Variants in FCSK observed in about 807,000 individuals in gnomAD.
The protein encoded by FCSK is fucose kinase, also known as L-fucose kinase.
Under a neutral mutation model 122.5 loss-of-function variants are expected in FCSK, and 123 were observed. That is an observed-to-expected ratio of 1.00 (90% CI 0.87 to 1.17). The LOEUF is 1.17. Among genes scored for constraint, FCSK ranks in the 50% most tolerant of loss-of-function variants. The probability of loss-of-function intolerance (pLI) is 0.00; values close to 1 mark genes in which losing one functional copy is unlikely to be tolerated. For missense variants in FCSK, 1,366 were observed against 1,450.4 expected (o/e 0.94, Z 0.95); for synonymous variants, 620 against 625.5 (o/e 0.99, Z 0.13).
Position 70,473,576 on chromosome 16 carries a change from G to T in FCSK, c.1777+223G>T, listed in dbSNP as rs1219554287. On this transcript the variant is annotated intron_variant, in intron 15 of 23. Coordinates refer to ENST00000288078, the MANE Select transcript of FCSK (RefSeq NM_145059.3). This position sits in a 1 kb window ranked among gnomAD's most constrained non-coding sequence, Gnocchi z 4.9. Reference sequence around the variant, plus strand: ...CCTTGTCAGTGGGGTTTGGTCAGAGGTTGAGGCCTGGCAGCTGAGCTCTAG... The same window carrying T: ...CCTTGTCAGTGGGGTTTGGTCAGAGTTTGAGGCCTGGCAGCTGAGCTCTAG... Among the ~76,000 whole-genome samples the T allele has an allele frequency of 6.6e-6, 1 of 152,182 alleles. No individual in the cohort carries two copies. Among genetic ancestry groups the T allele is most frequent in the South Asian group, 2.1e-4 (1 of 4,834 alleles).
At chr16:70,469,369 T>C (rs773092975) in intron 10 of FCSK, 46 bp downstream of exon 10, 8 of 1,521,456 alleles carry the variant, frequency 5.3e-6, no homozygotes, top group Non-Finnish European at 7.0e-6. Flanking sequence ...ACCATGGGAG[T>C]GAGGACCCCA....
chr16:70,461,315 A>G (rs777695609), intron 1 of FCSK, among the ~76,000 whole-genome samples: 5 of 151,630 alleles, frequency 3.3e-5, no homozygotes, highest in African/African-American at 4.8e-5. Flanking sequence ...GGAGGGAGGA[A>G]ATGGGGGTGC....
At chr16:70,466,586 A>G (rs553025253) in intron 5 of FCSK, 38 of 508,568 alleles carry the variant, frequency 7.5e-5, no homozygotes, top group Non-Finnish European at 1.8e-5. Flanking sequence ...AGTCCCAGCT[A>G]CTCAAGAGGC....
Position 70,468,884 on chromosome 16 carries a change from C to T in FCSK, c.699C>T (p.Ala233=), listed in dbSNP as rs753351332. ...SGVVFFSVET[A]ERLLATHVSP... is the part of the protein sequence containing the mutation. ...TTGTCTTCTTCTCTGTGGAGACTGCCGAGCGCCTCCTAGCCACCCACGTGA... is the reference window on the plus strand; with the variant it reads ...TTGTCTTCTTCTCTGTGGAGACTGCTGAGCGCCTCCTAGCCACCCACGTGA... The change falls in exon 9 of 24, where the codon GCC becomes GCT. Residue 233 remains alanine, a synonymous_variant. Transcript: ENST00000288078. 2.1e-5 allele frequency: 34 copies of T among 1,613,886 alleles called. No homozygotes were observed. In the East Asian group the frequency reaches 2.9e-4, roughly 14 times the overall value.
At position 70,467,951 on chromosome 16, in the gene FCSK, T is replaced by G. The variant is rs965344899; in HGVS notation, c.648T>G (p.Asp216Glu). The change falls in exon 8 of 24, where the codon GAT (aspartate) becomes GAG (glutamate). Residue 216 changes from aspartate to glutamate, a missense_variant. Asp to Glu is a conservative substitution (Grantham distance 45, BLOSUM62 2). Transcript: ENST00000288078. ...EAEIQRCVRP[D>E]GRVPLVSGVV... ...AGATTCAGCGGTGTGTCAGGCCTGA[T>G]GGGCGGGTGCCACTGGTATGGCTGC... The G allele has an allele frequency of 6.2e-7, 1 of 1,613,992 alleles. No homozygotes were observed. Among genetic ancestry groups the G allele is most frequent in the Non-Finnish European group, 8.5e-7 (1 of 1,179,898 alleles).
intron 3 of FCSK, 139 bp downstream of exon 3, chr16:70,463,913 G>T: frequency 1.1e-6 from 1 of 930,874 alleles, no homozygotes; most frequent in Admixed American, 2.7e-5. Flanking sequence ...AAATTGGGCG[G>T]ACTCATCTCT....
In FCSK at chr16:70,467,902, T is replaced by C. The variant is rs756967589; in HGVS notation, c.599T>C (p.Ile200Thr). Residue 200 changes from isoleucine to threonine, a missense_variant, in exon 8 of 24, where the codon ATT (isoleucine) becomes ACT (threonine). Transcript: ENST00000288078. ...TGCACATAGGGCCTTGTTTTGGACA[T>C]TTACTACCAGGGCACTGAGGCAGAG... ...LTDPQGLVLD[I>T]YYQGTEAEIQ... 5.7e-5 allele frequency: 92 copies of C among 1,613,978 alleles called. 1 individual carries two copies. The highest frequency in any genetic ancestry group is 1.2e-5 in the Non-Finnish European group (14 of 1,179,978).
intron 10 of FCSK, among the ~76,000 whole-genome samples, chr16:70,469,576 C>T (rs111749157): frequency 2.0e-5 from 3 of 151,960 alleles, no homozygotes; most frequent in African/African-American, 4.8e-5. Flanking sequence ...TTTTTTGAGA[C>T]GGACTCTCTC....
At chr16:70,466,696 A>G (rs1331301773) in intron 5 of FCSK, among the ~76,000 whole-genome samples, 186 bp from the exon 6 acceptor site, 4 of 152,224 alleles carry the variant, frequency 2.6e-5, no homozygotes, top group Non-Finnish European at 5.9e-5. Flanking sequence ...CCCTGTCGCA[A>G]TAACAACAAA....
chr16:70,455,778 G>A (rs1166832117), intron 1 of FCSK, among the ~76,000 whole-genome samples: 1 of 151,942 alleles, frequency 6.6e-6, no homozygotes, highest in Non-Finnish European at 1.5e-5. Flanking sequence ...TGTAATCCCA[G>A]CTACTTGGGA....
chr16:70,475,445 G>A lies in FCSK; in HGVS notation c.2473G>A (p.Gly825Ser), dbSNP rs1241387284. ...GCAGCTGCTCCGCACCTTCGGGGGC[G>A]GCTTTGAGCTGCACACCTGGTCTGA... ...SEQLLRTFGG[G>S]FELHTWSELP... The change falls in exon 19 of 24, where the codon GGC becomes AGC. Residue 825 changes from glycine to serine, a missense_variant. Transcript: ENST00000288078. 8 of 1,606,834 alleles carry A rather than the reference G, an allele frequency of 5.0e-6. No individual in the cohort carries two copies. The highest frequency in any genetic ancestry group is 1.6e-4 in the Middle Eastern group (1 of 6,078).
chr16:70,465,882 G>A (rs1051635334), intron 4 of FCSK, among the ~76,000 whole-genome samples: 2 of 152,208 alleles, frequency 1.3e-5, no homozygotes, highest in Non-Finnish European at 2.9e-5. Context: ...GAACCCAGGA[G>A]GCGGAGGTTG....
At position 70,463,280 on chromosome 16, in the gene FCSK, A is replaced by C; in HGVS notation, c.82+8A>C. ...TCCAGGTCTTTCAGAGAGGTAGGGG[A>C]CTCCCCTTCCCACCTTGCCCCTAAT... On this transcript the variant is annotated splice_region_variant and intron_variant, in intron 2 of 23. Transcript: ENST00000288078. The C allele has an allele frequency of 6.2e-7, 1 of 1,607,970 alleles. No individual in the cohort carries two copies. The highest frequency in any genetic ancestry group is 1.1e-5 in the South Asian group (1 of 90,828).
chr16:70,463,085 A>C (rs1567695678), intron 1 of FCSK, 84 bp from the exon 2 acceptor site: 1 of 841,266 alleles, frequency 1.2e-6, no homozygotes, highest in East Asian at 2.7e-5. Context: ...CACATGTTAA[A>C]ATCATAGAAT....
chr16:70,458,249 T>A (rs1451637317), intron 1 of FCSK, among the ~76,000 whole-genome samples: 2 of 151,402 alleles, frequency 1.3e-5, no homozygotes, highest in East Asian at 3.9e-4. Context: ...AACCACCGCT[T>A]CCCAGGTTCA....
intron 1 of FCSK, among the ~76,000 whole-genome samples, chr16:70,461,502 T>C (rs2048262745): frequency 6.6e-6 from 1 of 151,948 alleles, no homozygotes; most frequent in South Asian, 2.1e-4. Flanking sequence ...GGCCTTGCTT[T>C]CCCCCTACTT....
rs556003752 is a variant in FCSK, at chr16:70,458,262, C to T, written c.-23+3632C>T. ...GCAACCACCGCTTCCCAGGTTCAAG[C>T]GATTCTCCTGCCTCAGCCTCCTGAG... On this transcript the variant is annotated intron_variant, in intron 1 of 23. Coordinates refer to ENST00000288078, the MANE Select transcript of FCSK (RefSeq NM_145059.3). Among the ~76,000 whole-genome samples, 10 of 150,994 alleles carry T rather than the reference C, an allele frequency of 6.6e-5. No homozygotes were observed. In the South Asian group the frequency reaches 1.5e-3, roughly 22 times the overall value.
rs2048604130 is a variant in FCSK at position 70,471,167 on chromosome 16, C to T, written c.1171-15C>T. 2.5e-6 allele frequency: 4 copies of T among 1,598,686 alleles called. No individual in the cohort carries two copies. The Middle Eastern group carries it at 5.0e-4, about 200-fold the overall frequency. On this transcript the variant is annotated splice_polypyrimidine_tract_variant and intron_variant, in intron 12 of 23. Coordinates refer to ENST00000288078, the MANE Select transcript of FCSK (RefSeq NM_145059.3). ...GTGCCTGCCCACCCAGGATGCCTGC[C>T]CTGTCCCCCACCAGGGCCCCATTCA...
At chr16:70,474,362 T>A in intron 16 of FCSK, 23 bp downstream of exon 16, 1 of 1,608,650 alleles carries the variant, frequency 6.2e-7, no homozygotes, top group East Asian at 2.2e-5. Flanking sequence ...GGAGGTCAGA[T>A]CCCTTGGATA....
Sources: gnomAD v4.1 joint callset for allele counts (sites outside exome capture counted in the v4.1 genomes callset) on GRCh38, gnomAD v4.1.1 for gene constraint, Gnocchi (gnomAD v3.1) non-coding constraint, MANE v1.5 for transcripts, NCBI Gene and HGNC (gene_info 2026-07-23, HGNC 2026-07-21) for gene names.